ARHGAP22: variants seen among roughly 807,000 people sequenced by gnomAD.
The protein encoded by ARHGAP22 is rho GTPase-activating protein 22.
ARHGAP22 carries 48 observed loss-of-function variants against 59.1 expected under a neutral mutation model. That is an observed-to-expected ratio of 0.81 (90% confidence interval 0.64 to 1.03). The LOEUF (loss-of-function observed/expected upper bound fraction) is 1.03. Among genes scored for constraint, ARHGAP22 ranks in the 50% least tolerant of loss-of-function variants. ARHGAP22 has a pLI of 0.00. For missense variants in ARHGAP22, 1,015 were observed against 958.7 expected, an observed-to-expected ratio of 1.06 and a Z score of -0.78; for synonymous variants, 445 against 416.4, an observed-to-expected ratio of 1.07 and a Z score of -0.84.
intron 2 of ARHGAP22, among the ~76,000 whole-genome samples, chr10:48,561,978 G>A (rs1590195672): frequency 6.6e-6 from 1 of 152,198 alleles, no homozygotes; most frequent in Non-Finnish European, 1.5e-5. Context: ...TGTAATCCCA[G>A]CACTTTGGGG....
At chr10:48,642,480 A>G (rs2062092980) in intron 1 of ARHGAP22, among the ~76,000 whole-genome samples, 2 of 152,232 alleles carry the variant, frequency 1.3e-5, no homozygotes, top group South Asian at 4.1e-4. Context: ...AAAAACAAGC[A>G]ATGGGGAAAG....
At chr10:48,637,222 G>C (rs1013779118) in intron 1 of ARHGAP22, among the ~76,000 whole-genome samples, 2 of 152,204 alleles carry the variant, frequency 1.3e-5, no homozygotes, top group Admixed American at 6.5e-5. Flanking sequence ...GTGTCGAGGT[G>C]GGGGGCAAGG....
Position 48,555,697 on chromosome 10 carries a change from C to T in ARHGAP22, c.235-147G>A, listed in dbSNP as rs538873950. The T allele has an allele frequency of 8.8e-5, 61 of 693,808 alleles. No individual in the cohort carries two copies. The East Asian group carries it at 1.3e-3, about 15-fold the overall frequency. 43.0% of individuals were successfully genotyped at this position (693,808 alleles called of 1,614,324 possible). A position where few individuals can be genotyped will look rare whatever the true frequency, so the allele number is the denominator to read the frequency against. On this transcript the variant is annotated intron_variant, in intron 2 of 9. Coordinates refer to ENST00000249601, the MANE Select transcript of ARHGAP22 (RefSeq NM_021226.4). The stretch of plus-strand genomic sequence containing the variant: ...CTGGGCCTCAGAGAGGGGCACACAC[C>T]TCCTCTCCTAGGGAGAGATGAGGCC...
chr10:48,582,992 C>T lies in ARHGAP22; in HGVS notation c.195G>A (p.Gln65=), dbSNP rs1324392926. ...QQRWFVLRGD[Q]LFYYKDKDEI... ...CATCTTTGTCCTTGTAGTAGAAAAG[C>T]TGATCCCCACGCAGCACAAACCAGC... Residue 65 remains glutamine (Q), a synonymous_variant, in exon 2 of 10, where the codon CAG becomes CAA. Coordinates refer to ENST00000249601, the MANE Select transcript of ARHGAP22 (RefSeq NM_021226.4). 6.2e-7 allele frequency: 1 copy of T among 1,614,136 alleles called. No homozygotes were observed. Among genetic ancestry groups the T allele is most frequent in the Non-Finnish European group, 8.5e-7 (1 of 1,180,050 alleles).
intron 2 of ARHGAP22, among the ~76,000 whole-genome samples, chr10:48,580,970 A>C (rs545799077): frequency 6.6e-6 from 1 of 151,852 alleles, no homozygotes; most frequent in South Asian, 2.1e-4. Flanking sequence ...ATTGTAAACA[A>C]ATGTGAACCT....
chr10:48,473,168 A>G (rs1355930581), intron 4 of ARHGAP22, among the ~76,000 whole-genome samples: 1 of 152,280 alleles, frequency 6.6e-6, no homozygotes, highest in Non-Finnish European at 1.5e-5. Flanking sequence ...GAGCTTAAAA[A>G]AGAGAGAAAT....
chr10:48,529,177 G>A (rs1411802857), intron 3 of ARHGAP22, among the ~76,000 whole-genome samples: 3 of 152,184 alleles, frequency 2.0e-5, no homozygotes, highest in Non-Finnish European at 2.9e-5. Context: ...GCGAGATAGG[G>A]ACTGGAAGGG....
At chr10:48,430,081 G>GT in the ARHGAP22 span, 3 of 152,146 alleles carry the variant, frequency 2.0e-5, no homozygotes. Flanking sequence ...CCTTAAGAAG[G>GT]TTTTTTGTTT....
chr10:48,643,042 C>G (rs920591720), intron 1 of ARHGAP22, among the ~76,000 whole-genome samples: 1 of 152,112 alleles, frequency 6.6e-6, no homozygotes, highest in Non-Finnish European at 1.5e-5. Context: ...CAATGAGATA[C>G]CATCTCACAC....
Position 48,450,776 on chromosome 10 carries a change from C to A in ARHGAP22, c.1353G>T (p.Val451=). ...SPKGGGSSLE[V]PIISSGGNWL... is the part of the protein sequence containing the mutation. Reference sequence around the variant, plus strand: ...AGTTCCCGCCGGAGGAGATGATGGGCACCTCCAGGGATGAGCCGCCCCCCT... The same window carrying A: ...AGTTCCCGCCGGAGGAGATGATGGGAACCTCCAGGGATGAGCCGCCCCCCT... The change falls in exon 9 of 10, where the codon GTG becomes GTT. Residue 451 remains valine (V), a synonymous_variant. Coordinates refer to ENST00000249601, the MANE Select transcript of ARHGAP22 (RefSeq NM_021226.4). 1 of 1,565,860 alleles carries A rather than the reference C, an allele frequency of 6.4e-7. No individual in the cohort carries two copies. Among genetic ancestry groups the A allele is most frequent in the Non-Finnish European group, 8.7e-7 (1 of 1,155,840 alleles).
At chr10:48,456,398 C>T (rs907749342) in intron 5 of ARHGAP22, among the ~76,000 whole-genome samples, 1 of 152,176 alleles carries the variant, frequency 6.6e-6, no homozygotes, top group Admixed American at 6.5e-5. Context: ...CTGGCTGGAT[C>T]CAGGCAGCCC....
intron 2 of ARHGAP22, among the ~76,000 whole-genome samples, chr10:48,566,007 T>A (rs1214001894): frequency 6.6e-6 from 1 of 152,198 alleles, no homozygotes; most frequent in East Asian, 1.9e-4. Flanking sequence ...GTAATCCTCC[T>A]ATTGGCCAGC....
At chr10:48,600,701 C>T (rs1209627266) in intron 1 of ARHGAP22, among the ~76,000 whole-genome samples, 2 of 152,216 alleles carry the variant, frequency 1.3e-5, no homozygotes, top group Admixed American at 1.3e-4. Context: ...CTTCATTTCA[C>T]TTCTGAGCAA....
intron 3 of ARHGAP22, among the ~76,000 whole-genome samples, chr10:48,516,412 C>A (rs147963216): frequency 3.9e-5 from 6 of 152,204 alleles, no homozygotes; most frequent in African/African-American, 1.4e-4. Context: ...GCTTGACTCC[C>A]ACCTACTTGG....
intron 3 of ARHGAP22, among the ~76,000 whole-genome samples, chr10:48,502,822 A>G (rs1207000978): frequency 6.6e-6 from 1 of 152,278 alleles, no homozygotes; most frequent in Non-Finnish European, 1.5e-5. Flanking sequence ...CTGGGGACAC[A>G]GCAGTGACAA....
intron 9 of ARHGAP22, among the ~76,000 whole-genome samples, chr10:48,447,801 A>T (rs904683079): frequency 6.6e-6 from 1 of 152,044 alleles, no homozygotes; most frequent in Admixed American, 6.5e-5. Flanking sequence ...CTTGGTGAAC[A>T]CCTTCCCTCA....
intron 1 of ARHGAP22, among the ~76,000 whole-genome samples, chr10:48,612,751 T>C (rs1484010837): frequency 6.6e-6 from 1 of 152,254 alleles, no homozygotes; most frequent in African/African-American, 2.4e-5. Flanking sequence ...TTCTAACTGA[T>C]GCCCACATTA....
chr10:48,516,022 A>C (rs1005513949), intron 3 of ARHGAP22, among the ~76,000 whole-genome samples: 1 of 151,710 alleles, frequency 6.6e-6, no homozygotes, highest in Non-Finnish European at 1.5e-5. Context: ...TCAAAAAAAA[A>C]CAAAACAAAA....
At chr10:48,544,239 G>A (rs565817085) in intron 3 of ARHGAP22, among the ~76,000 whole-genome samples, 11 of 152,188 alleles carry the variant, frequency 7.2e-5, no homozygotes, top group Non-Finnish European at 1.5e-4. Context: ...TCCCTTCTAC[G>A]ATCAGATGAT....
Sources: gnomAD v4.1 joint callset for allele counts (sites outside exome capture counted in the v4.1 genomes callset) on GRCh38, gnomAD v4.1.1 for gene constraint, MANE v1.5 for transcripts, NCBI Gene and HGNC (gene_info 2026-07-23, HGNC 2026-07-21) for gene names.